CNTN5: variants seen among roughly 807,000 people sequenced by gnomAD.
CNTN5 encodes the protein contactin 5, also known as contactin-5.
A neutral mutation model predicts 129.1 loss-of-function variants in CNTN5; 77 were observed. The observed-to-expected ratio is 0.60, with a 90% CI of 0.50 to 0.72. The LOEUF is 0.72. Ranked by LOEUF, CNTN5 falls within the 30% of genes least tolerant of loss-of-function variation. CNTN5 has a pLI of 0.00. For synonymous variants in CNTN5, 509 were observed against 465.6 expected, an observed-to-expected ratio of 1.09 and a Z score of -1.20; for missense variants, 1,478 against 1,328.8, an observed-to-expected ratio of 1.11 and a Z score of -1.75.
chr11:99,657,082 GA>G (rs928647421), intron 3 of CNTN5, among the ~76,000 whole-genome samples: 18 of 148,686 alleles, frequency 1.2e-4, no homozygotes, highest in East Asian at 2.0e-4. Context: ...AAAAAAAAGA[GA>G]AAAAAAATAA....
At chr11:99,438,513 T>C (rs1224545102) in intron 2 of CNTN5, among the ~76,000 whole-genome samples, 1 of 152,160 alleles carries the variant, frequency 6.6e-6, no homozygotes, top group Non-Finnish European at 1.5e-5. Flanking sequence ...TTCATATTCT[T>C]ATTTTCTCCT....
At chr11:99,433,383 G>GAA (rs1943475429) in intron 2 of CNTN5, among the ~76,000 whole-genome samples, 1 of 50,310 alleles carries the variant, frequency 2.0e-5, no homozygotes, top group Non-Finnish European at 3.9e-5. Context: ...GTGTGTGTGT[G>GAA]TGTGTGTGTG....
At chr11:99,361,400 G>T (rs142081319) in intron 2 of CNTN5, among the ~76,000 whole-genome samples, 1 of 152,078 alleles carries the variant, frequency 6.6e-6, no homozygotes, top group Non-Finnish European at 1.5e-5. Flanking sequence ...CATAGTATCT[G>T]GGACTAATAT....
At chr11:99,528,348 A>G (rs1045266725) in intron 2 of CNTN5, among the ~76,000 whole-genome samples, 1 of 152,250 alleles carries the variant, frequency 6.6e-6, no homozygotes, top group Non-Finnish European at 1.5e-5. Flanking sequence ...TACATGTAAT[A>G]GTTACGAGCA....
intron 2 of CNTN5, among the ~76,000 whole-genome samples, chr11:99,493,366 G>A (rs1434091155): frequency 6.6e-6 from 1 of 152,112 alleles, no homozygotes; most frequent in Non-Finnish European, 1.5e-5. Context: ...TTTTATTTGG[G>A]CTCATTTCAT....
intron 7 of CNTN5, among the ~76,000 whole-genome samples, chr11:99,922,279 C>A (rs1591425955): frequency 6.6e-6 from 1 of 152,220 alleles, no homozygotes; most frequent in East Asian, 1.9e-4. Context: ...AAAAATTCAC[C>A]CCCATGATTC....
intron 3 of CNTN5, among the ~76,000 whole-genome samples, chr11:99,659,913 T>C (rs751444590): frequency 6.6e-6 from 1 of 152,174 alleles, no homozygotes; most frequent in Non-Finnish European, 1.5e-5. Context: ...TTTGCTGTTA[T>C]TGATTGAAAC....
chr11:100,148,967 T>C (rs925088351), intron 13 of CNTN5, among the ~76,000 whole-genome samples: 8 of 152,174 alleles, frequency 5.3e-5, no homozygotes, highest in African/African-American at 4.8e-5. Context: ...ATGAACATAT[T>C]AGTCGAACAA....
chr11:99,107,218 G>A (rs1436589667), intron 1 of CNTN5, among the ~76,000 whole-genome samples: 1 of 152,052 alleles, frequency 6.6e-6, no homozygotes, highest in Non-Finnish European at 1.5e-5. Context: ...TTACAACCTT[G>A]TTTAACAGAA....
chr11:99,047,389 A>G (rs1864256704), intron 1 of CNTN5, among the ~76,000 whole-genome samples: 1 of 151,436 alleles, frequency 6.6e-6, no homozygotes, highest in Non-Finnish European at 1.5e-5. Flanking sequence ...GGCAAAAAAA[A>G]AAAAAAACCA....
intron 3 of CNTN5, among the ~76,000 whole-genome samples, chr11:99,801,631 T>TG: frequency 7.1e-6 from 1 of 141,166 alleles, no homozygotes; most frequent in African/African-American, 2.5e-5. Context: ...TTTTAACTCT[T>TG]TTTTAAATTT....
In CNTN5 at chr11:99,740,461, CAAGT is replaced by C. The variant is rs746714065; in HGVS notation, c.56-79079_56-79076del. ...AATAAGATTTATGTTTTGAGAAACT[CAAGT>C]AAGAAAGCAGGAATGGAATTATCCG... is the stretch of plus-strand genomic sequence containing the variant. On this transcript the variant is annotated intron_variant, in intron 3 of 24. Coordinates refer to ENST00000524871, the MANE Select transcript of CNTN5 (RefSeq NM_014361.4). Among the ~76,000 whole-genome samples the C allele has an allele frequency of 3.1e-3, 472 of 151,472 alleles. 5 individuals are homozygous for C. Among genetic ancestry groups the C allele is most frequent in the African/African-American group, 0.011 (450 of 40,862 alleles).
At chr11:99,137,610 T>C (rs575403205) in intron 1 of CNTN5, among the ~76,000 whole-genome samples, 3 of 152,268 alleles carry the variant, frequency 2.0e-5, no homozygotes, top group East Asian at 1.9e-4. Flanking sequence ...TATCTAAAGG[T>C]ATAAGTATTC....
chr11:99,631,058 G>A (rs1951329860), intron 3 of CNTN5, among the ~76,000 whole-genome samples: 1 of 152,088 alleles, frequency 6.6e-6, no homozygotes, highest in Admixed American at 6.6e-5. Flanking sequence ...AATTTATCCT[G>A]CAGAGTTGCT....
At chr11:100,020,703 A>G (rs1458990799) in intron 9 of CNTN5, among the ~76,000 whole-genome samples, 1 of 152,166 alleles carries the variant, frequency 6.6e-6, no homozygotes, top group Non-Finnish European at 1.5e-5. Context: ...AAAAGCTATT[A>G]GAACCAATAA....
chr11:99,268,966 TGTA>T (rs2135849813), intron 1 of CNTN5, among the ~76,000 whole-genome samples: 1 of 152,108 alleles, frequency 6.6e-6, no homozygotes, highest in South Asian at 2.1e-4. Context: ...AATCTCTTGA[TGTA>T]AGCATTTGAC....
chr11:100,031,171 A>G (rs1426780446), intron 9 of CNTN5, among the ~76,000 whole-genome samples: 1 of 152,236 alleles, frequency 6.6e-6, no homozygotes, highest in Non-Finnish European at 1.5e-5. Context: ...TAGAATTCAT[A>G]GGGTCAACCA....
intron 18 of CNTN5, among the ~76,000 whole-genome samples, chr11:100,279,625 A>T (rs1412483512): frequency 6.6e-6 from 1 of 151,878 alleles, no homozygotes; most frequent in Non-Finnish European, 1.5e-5. Flanking sequence ...GCCTCTAATG[A>T]TCCTTTGAAT....
In CNTN5 at chr11:100,312,949, A is replaced by G. The variant is rs78355693; in HGVS notation, c.2730+4481A>G. On this transcript the variant is annotated intron_variant, in intron 21 of 24. Transcript: ENST00000524871. The stretch of plus-strand genomic sequence containing the variant: ...CAAGGAAACACATAAGTAATAAGAT[A>G]AACTCTGATAACAATACACATAGAG... Among the ~76,000 whole-genome samples the G allele has an allele frequency of 9.4e-3, 1,436 of 152,196 alleles. 20 individuals are homozygous for G. Among genetic ancestry groups the G allele is most frequent in the African/African-American group, 0.032 (1,346 of 41,548 alleles).
Sources: allele counts gnomAD v4.1 joint callset (sites outside exome capture counted in the v4.1 genomes callset), GRCh38; gene constraint gnomAD v4.1.1; transcripts MANE v1.5; gene names NCBI Gene and HGNC (gene_info 2026-07-23, HGNC 2026-07-21).